The following DGKZ variants were observed in gnomAD, a reference collection of about 807,000 sequenced individuals.
DGKZ encodes diacylglycerol kinase zeta, also known as DAG kinase zeta.
In DGKZ, 45 loss-of-function variants were observed where a neutral mutation model predicts 142.5. The observed-to-expected ratio is 0.32, with a 90% CI of 0.25 to 0.40. The LOEUF (loss-of-function observed/expected upper bound fraction) is 0.40, where lower values mean the gene tolerates loss of function less well. Ranked by LOEUF, DGKZ falls within the 10% of genes least tolerant of loss-of-function variation. The pLI is 1.00. For missense variants in DGKZ, 755 were observed against 1,306.5 expected (o/e 0.58, Z 6.51); for synonymous variants, 442 against 527.0 (o/e 0.84, Z 2.21).
chr11:46,360,256 G>A (rs1038277534), intron 1 of DGKZ, among the ~76,000 whole-genome samples: 8 of 151,990 alleles, frequency 5.3e-5, no homozygotes, highest in African/African-American at 9.7e-5. Flanking sequence ...TTATATTAAC[G>A]TAATGGGCTT....
rs1304455780 is a variant in DGKZ at position 46,371,366 on chromosome 11, C to T, written c.624C>T (p.Cys208=). 6.2e-7 allele frequency: 1 copy of T among 1,613,880 alleles called. No individual in the cohort carries two copies. Among genetic ancestry groups the T allele is most frequent in the Admixed American group, 1.7e-5 (1 of 60,018 alleles). Residue 208 remains cysteine (C), a synonymous_variant, in exon 7 of 31, where the codon TGC becomes TGT. Coordinates refer to ENST00000527911, the Ensembl canonical transcript of DGKZ. ...GCAAGGAGATTGTGGCCATCAGCTG[C>T]TCGTGGTGCAAGCAGGCAGTGAGTG... is the stretch of plus-strand genomic sequence containing the variant.
Position 46,372,440 on chromosome 11 carries a change from A to G in DGKZ, c.940A>G (p.Ile314Val). 2 of 1,613,958 alleles carry G rather than the reference A, an allele frequency of 1.2e-6. No homozygotes were observed. Among genetic ancestry groups the G allele is most frequent in the Non-Finnish European group, 1.7e-6 (2 of 1,179,970 alleles). The change falls in exon 11 of 31, where the codon ATC (isoleucine) becomes GTC (valine). Residue 314 changes from isoleucine (I) to valine (V), a missense_variant. Physicochemically the swap from Ile to Val is conservative, Grantham distance 29 (BLOSUM62 3). Coordinates refer to ENST00000527911, the Ensembl canonical transcript of DGKZ. This position sits in a 1 kb window ranked among gnomAD's most constrained non-coding sequence, Gnocchi z 5.9. ...CCATCCCATCCAGGGTGCAAAGATC[A>G]TCCAGTCTTTCCTCTGGTATCTCAA... is the stretch of plus-strand genomic sequence containing the variant.
At chr11:46,368,162 A>G (rs1174061546) in intron 4 of DGKZ, 83 bp downstream of exon 4, 5 of 1,443,922 alleles carry the variant, frequency 3.5e-6, no homozygotes, top group Non-Finnish European at 4.8e-6. Flanking sequence ...CACATGTTAT[A>G]CAAACGGCCT....
Position 46,367,935 on chromosome 11 carries a change from C to A in DGKZ, c.367-67C>A. On this transcript the variant is annotated intron_variant, in intron 3 of 30. Transcript: ENST00000527911. This position sits in a 1 kb window ranked among gnomAD's most constrained non-coding sequence, Gnocchi z 4.1. ...CCAGTGCACACAAAGGGCAGCTGTG[C>A]TGGGGCAGGCAGCCTCCGAGATAGA... 6.3e-7 allele frequency: 1 copy of A among 1,579,526 alleles called. No individual in the cohort carries two copies. The highest frequency in any genetic ancestry group is 8.7e-7 in the Non-Finnish European group (1 of 1,149,202).
At chr11:46,374,568 C>G in intron 16 of DGKZ, 36 bp from the exon 17 acceptor site, 1 of 1,599,644 alleles carries the variant, frequency 6.3e-7, no homozygotes, top group Non-Finnish European at 8.5e-7. Context: ...GGAAAGATCT[C>G]TGTCAGCAGA....
chr11:46,378,348 C>A, intron 26 of DGKZ, 109 bp from the exon 27 acceptor site: 1 of 1,539,596 alleles, frequency 6.5e-7, no homozygotes, highest in East Asian at 2.3e-5. Context: ...GCTTCACGCA[C>A]CAACGGAGCC....
chr11:46,345,614 G>C, upstream of DGKZ: 1 of 1,481,700 alleles, frequency 6.7e-7, no homozygotes, highest in Non-Finnish European at 8.9e-7. The surrounding 1 kb of genome is among the most constrained non-coding windows in gnomAD (Gnocchi z 4.1). Flanking sequence ...CTGGGAGTGG[G>C]CATGGGACCT....
intron 4 of DGKZ, chr11:46,369,188 C>T (rs78661705): frequency 2.6e-5 from 11 of 415,348 alleles, no homozygotes; most frequent in Non-Finnish European, 4.9e-5. Context: ...AAAACAAAAA[C>T]AAAAAAAAAA....
Position 46,372,161 on chromosome 11 carries a change from G to A in DGKZ, c.918G>A (p.Gly306=). 6.2e-7 allele frequency: 1 copy of A among 1,607,228 alleles called. No individual in the cohort carries two copies. The highest frequency in any genetic ancestry group is 8.5e-7 in the Non-Finnish European group (1 of 1,176,088). Residue 306 remains glycine (G), a synonymous_variant, in exon 10 of 31, where the codon GGG becomes GGA. Coordinates refer to ENST00000527911, the Ensembl canonical transcript of DGKZ. The surrounding 1 kb of genome is among the most constrained non-coding windows in gnomAD (Gnocchi z 5.9). ...TGGTGTTTGTGAACCCCAAGAGTGG[G>A]GGCAACCAGGTGAACGCGGCCTTGC...
At chr11:46,343,268 A>G (rs1940366174), upstream of DGKZ, among the ~76,000 whole-genome samples, 2 of 152,264 alleles carry the variant, frequency 1.3e-5, no homozygotes, top group South Asian at 4.1e-4. Flanking sequence ...CCATTGTTTT[A>G]TGATTACTGA....
At chr11:46,378,703 T>A in intron 27 of DGKZ, 1 of 855,740 alleles carries the variant, frequency 1.2e-6, no homozygotes, top group Non-Finnish European at 1.9e-6. Context: ...TAGTAGGGGC[T>A]TCCTAGCTCA....
chr11:46,379,367 C>G, intron 29 of DGKZ, 102 bp from the exon 30 acceptor site: 1 of 1,561,598 alleles, frequency 6.4e-7, no homozygotes, highest in African/African-American at 1.4e-5. Context: ...ACCCCTATTG[C>G]CCCAGAGCCC....
exon 1 of DGKZ, chr11:46,332,991 C>T: frequency 6.5e-6 from 2 of 307,556 alleles, no homozygotes; most frequent in South Asian, 1.6e-4. Context: ...CGGCTCCGCT[C>T]CAGCCGTCCG....
Position 46,372,928 on chromosome 11 carries a change from C to T in DGKZ, c.1186-33C>T. On this transcript the variant is annotated intron_variant, in intron 13 of 30. Coordinates refer to ENST00000527911, the Ensembl canonical transcript of DGKZ. This position sits in a 1 kb window ranked among gnomAD's most constrained non-coding sequence, Gnocchi z 5.9. ...GGGGTGCAGCTGGGGCCTCTCCAGC[C>T]ACAGAGGGCTCAGTCCCTGCCTGCT... The T allele has an allele frequency of 3.9e-6, 6 of 1,555,218 alleles. No individual in the cohort carries two copies. The highest frequency in any genetic ancestry group is 5.2e-6 in the Non-Finnish European group (6 of 1,149,088).
rs747095778 is a variant in DGKZ at position 46,369,376 on chromosome 11, G to A, written c.445-118G>A. On this transcript the variant is annotated intron_variant, in intron 4 of 30. Coordinates refer to ENST00000527911, the Ensembl canonical transcript of DGKZ. ...CTCGTGTTTCAAGGACTCTCGTGAC[G>A]ATTTGGGGGTATCCCCACCTTGTGA... is the stretch of plus-strand genomic sequence containing the variant. 1.0e-5 allele frequency: 13 copies of A among 1,251,224 alleles called. No individual in the cohort carries two copies. In the African/African-American group the frequency reaches 1.3e-4, roughly 13 times the overall value. The allele number at this position is 1,251,224 out of a possible 1,614,324, so 77.5% of individuals were successfully genotyped here. A position where few individuals can be genotyped will look rare whatever the true frequency, so the allele number is the denominator to read the frequency against.
chr11:46,333,434 C>G, exon 1 of DGKZ: 1 of 1,530,744 alleles, frequency 6.5e-7, no homozygotes, highest in South Asian at 1.2e-5. Context: ...CCGCTGGGCC[C>G]CCGGTGGAGG....
At chr11:46,335,310 CA>C (rs113151099) in intron 1 of DGKZ, among the ~76,000 whole-genome samples, 18,736 of 129,618 alleles carry the variant, frequency 0.14, 3,478 homozygotes, top group African/African-American at 0.44. Context: ...GTGACTCCAT[CA>C]AAAAAAAAAA....
At chr11:46,337,470 AT>A (rs955254479) in intron 1 of DGKZ, among the ~76,000 whole-genome samples, 24 of 151,456 alleles carry the variant, frequency 1.6e-4, no homozygotes, top group Admixed American at 3.3e-4. Context: ...TAATTTTTGT[AT>A]TTTTAGTAGA....
upstream of DGKZ, among the ~76,000 whole-genome samples, chr11:46,346,554 G>A (rs61514976): frequency 0.012 from 1,753 of 152,270 alleles, 40 homozygotes; most frequent in African/African-American, 0.04. Context: ...TTTCTGGATG[G>A]GAGTGTGTGC....
Sources: allele counts gnomAD v4.1 joint callset (sites outside exome capture counted in the v4.1 genomes callset), GRCh38; gene constraint gnomAD v4.1.1; non-coding constraint Gnocchi (gnomAD v3.1); transcripts MANE v1.5; gene names NCBI Gene and HGNC (gene_info 2026-07-23, HGNC 2026-07-21).